Variants in IQCB1 observed in about 807,000 individuals in gnomAD.
IQCB1 encodes the protein IQ calmodulin-binding motif-containing protein 1.
A neutral mutation model predicts 84.4 loss-of-function variants in IQCB1; 56 were observed. That is an observed-to-expected ratio of 0.66 (90% CI 0.54 to 0.83). The LOEUF (loss-of-function observed/expected upper bound fraction) is 0.83, where lower values mean the gene tolerates loss of function less well. IQCB1 is among the 40% of genes least tolerant of loss of function. IQCB1 has a pLI of 0.00. For missense variants in IQCB1, 629 were observed against 682.1 expected, an observed-to-expected ratio of 0.92 and a Z score of 0.87; for synonymous variants, 210 against 234.8, an observed-to-expected ratio of 0.89 and a Z score of 0.96.
chr3:121,810,304 C>A (rs1443138649), intron 5 of IQCB1, among the ~76,000 whole-genome samples: 1 of 152,142 alleles, frequency 6.6e-6, no homozygotes, highest in Non-Finnish European at 1.5e-5. Context: ...AAACAAAAAT[C>A]TGATTGAAAA....
chr3:121,783,654 G>C (rs1485944399), intron 12 of IQCB1, among the ~76,000 whole-genome samples: 2 of 151,812 alleles, frequency 1.3e-5, no homozygotes, highest in African/African-American at 2.4e-5. Flanking sequence ...CATTTTCTTG[G>C]ACACATTTTC....
At chr3:121,808,895 C>T in intron 6 of IQCB1, 21 bp downstream of exon 6, 2 of 1,435,684 alleles carry the variant, frequency 1.4e-6, no homozygotes, top group African/African-American at 1.4e-5. Context: ...CTATTAGTTA[C>T]ATTAAAATCT....
intron 8 of IQCB1, among the ~76,000 whole-genome samples, chr3:121,798,096 G>A (rs894786600): frequency 6.6e-6 from 1 of 151,812 alleles, no homozygotes; most frequent in African/African-American, 2.4e-5. Context: ...CGACTCTGTT[G>A]GACATTCACA....
rs568509651 is a variant in IQCB1, at chr3:121,803,067, T to C, written c.588-3693A>G. ...AATCCTTTTACGTTGCTTTTTTCTT[T>C]TTTTTGAGACAGGGTCTTGCTCTGT... On this transcript the variant is annotated intron_variant, in intron 7 of 14. Coordinates refer to ENST00000310864, the MANE Select transcript of IQCB1 (RefSeq NM_001023570.4). Among the ~76,000 whole-genome samples, 238 of 152,290 alleles carry C rather than the reference T, an allele frequency of 1.6e-3. 1 individual carries two copies. Among genetic ancestry groups the C allele is most frequent in the African/African-American group, 5.6e-3 (231 of 41,566 alleles).
chr3:121,810,283 C>CT (rs917926184), intron 5 of IQCB1, among the ~76,000 whole-genome samples: 4 of 152,140 alleles, frequency 2.6e-5, no homozygotes, highest in Non-Finnish European at 5.9e-5. Flanking sequence ...TAACTATGTA[C>CT]TATCTAATTA....
chr3:121,798,837 T>C (rs900039694), intron 8 of IQCB1, among the ~76,000 whole-genome samples: 1 of 151,886 alleles, frequency 6.6e-6, no homozygotes, highest in South Asian at 2.1e-4. Context: ...GCCACTGGCC[T>C]CTCAAGCACA....
At chr3:121,780,336 G>A (rs978042448) in intron 13 of IQCB1, among the ~76,000 whole-genome samples, 1 of 152,250 alleles carries the variant, frequency 6.6e-6, no homozygotes, top group Non-Finnish European at 1.5e-5. Context: ...TCTTGAAAAC[G>A]ATTTCATGCA....
intron 11 of IQCB1, among the ~76,000 whole-genome samples, chr3:121,789,786 T>G (rs1948883198): frequency 6.6e-6 from 1 of 152,220 alleles, no homozygotes; most frequent in Non-Finnish European, 1.5e-5. Context: ...AGTATCTTTG[T>G]GTCTCTAACA....
At chr3:121,778,736 T>A (rs1186804715) in intron 13 of IQCB1, among the ~76,000 whole-genome samples, 1 of 151,856 alleles carries the variant, frequency 6.6e-6, no homozygotes, top group African/African-American at 2.4e-5. Flanking sequence ...TGAAACCCCA[T>A]CTCTACCAAA....
At chr3:121,806,665 G>C (rs375771889) in intron 7 of IQCB1, among the ~76,000 whole-genome samples, 35 of 151,930 alleles carry the variant, frequency 2.3e-4, no homozygotes, top group African/African-American at 8.4e-4. Context: ...ACCTCCCCTC[G>C]GTTTGGGTTA....
At chr3:121,816,187 T>C (rs1156518114) in intron 5 of IQCB1, among the ~76,000 whole-genome samples, 1 of 152,110 alleles carries the variant, frequency 6.6e-6, no homozygotes, top group Non-Finnish European at 1.5e-5. Context: ...CCCTATTTAA[T>C]AAATGGTGCT....
chr3:121,797,711 T>C (rs982830214), intron 8 of IQCB1, among the ~76,000 whole-genome samples: 2 of 152,060 alleles, frequency 1.3e-5, no homozygotes, highest in Non-Finnish European at 2.9e-5. Context: ...TGGTAACATA[T>C]ATAATTTGGG....
intron 9 of IQCB1, among the ~76,000 whole-genome samples, chr3:121,795,930 T>C (rs1949176286): frequency 6.6e-6 from 1 of 152,252 alleles, no homozygotes; most frequent in Non-Finnish European, 1.5e-5. Flanking sequence ...CTGTTGACCA[T>C]TGTGGATGGT....
chr3:121,831,078 T>C (rs1385065486), intron 2 of IQCB1, among the ~76,000 whole-genome samples: 2 of 152,144 alleles, frequency 1.3e-5, no homozygotes, highest in Admixed American at 6.5e-5. Context: ...CATGTGGAAG[T>C]TCCTGGAGGA....
intron 13 of IQCB1, among the ~76,000 whole-genome samples, chr3:121,775,556 G>A (rs961219805): frequency 8.5e-5 from 13 of 152,054 alleles, no homozygotes; most frequent in African/African-American, 3.1e-4. Context: ...AACCACCCAT[G>A]GCACATGTAT....
intron 14 of IQCB1, 93 bp downstream of exon 14, chr3:121,772,464 T>A: frequency 1.6e-6 from 2 of 1,259,354 alleles, no homozygotes; most frequent in Non-Finnish European, 2.3e-6. Context: ...GAGCTAAAGA[T>A]GCTTAGTAAT....
At chr3:121,822,001 A>G (rs192218418) in intron 5 of IQCB1, among the ~76,000 whole-genome samples, 1 of 152,336 alleles carries the variant, frequency 6.6e-6, no homozygotes, top group African/African-American at 2.4e-5. Context: ...CTCCCACATA[A>G]AGGGAAATTC....
In IQCB1 at chr3:121,831,851, C is replaced by T. The variant is rs560380783; in HGVS notation, c.-13+2540G>A. Among the ~76,000 whole-genome samples the T allele has an allele frequency of 4.6e-5, 7 of 152,304 alleles. No homozygotes were observed. In the South Asian group the frequency reaches 6.2e-4, roughly 14 times the overall value. ...CTTAAAGAAAGCCCAGTGCAACTCC[C>T]GGCACATAGTAGTCACAAAACTTTC... On this transcript the variant is annotated intron_variant, in intron 2 of 14. Transcript: ENST00000310864.
intron 8 of IQCB1, among the ~76,000 whole-genome samples, chr3:121,797,696 A>T (rs1295491512): frequency 6.6e-6 from 1 of 152,086 alleles, no homozygotes; most frequent in Non-Finnish European, 1.5e-5. Flanking sequence ...TTAAATATAA[A>T]CATATGGTAA....
Sources: gnomAD v4.1 joint callset for allele counts (sites outside exome capture counted in the v4.1 genomes callset) on GRCh38, gnomAD v4.1.1 for gene constraint, MANE v1.5 for transcripts, NCBI Gene and HGNC (gene_info 2026-07-23, HGNC 2026-07-21) for gene names.